Variants in ASB3 observed in about 807,000 individuals in gnomAD.
ASB3 encodes ankyrin repeat and SOCS box containing 3.
Under a neutral mutation model 54.5 loss-of-function variants are expected in ASB3, and 41 were observed. The ratio of observed to expected loss-of-function variants is 0.75; its 90% CI spans 0.59 to 0.98. ASB3 has a LOEUF of 0.98. Ranked by LOEUF, ASB3 falls within the 50% of genes least tolerant of loss-of-function variation. ASB3 has a pLI of 0.00. For synonymous variants in ASB3, 266 were observed against 221.2 expected, an observed-to-expected ratio of 1.20 and a Z score of -1.80; for missense variants, 733 against 620.0, an observed-to-expected ratio of 1.18 and a Z score of -1.94.
intron 3 of ASB3, among the ~76,000 whole-genome samples, chr2:53,732,937 T>C (rs1194129116): frequency 1.3e-5 from 2 of 152,202 alleles, no homozygotes; most frequent in Non-Finnish European, 2.9e-5. Context: ...AGGAGACCCA[T>C]AACTGTGCTG....
intron 2 of ASB3, among the ~76,000 whole-genome samples, chr2:53,761,633 G>A (rs1673153666): frequency 6.6e-6 from 1 of 152,062 alleles, no homozygotes; most frequent in Admixed American, 6.5e-5. Flanking sequence ...TCAGACTTAG[G>A]GTGAGTTACA....
chr2:53,750,008 C>G (rs1373106504), intron 3 of ASB3, among the ~76,000 whole-genome samples: 2 of 151,942 alleles, frequency 1.3e-5, no homozygotes, highest in African/African-American at 4.8e-5. Context: ...ATTCTCAGAC[C>G]AATAACAAAG....
At chr2:53,713,457 T>C (rs1164836761) in intron 7 of ASB3, among the ~76,000 whole-genome samples, 2 of 152,220 alleles carry the variant, frequency 1.3e-5, no homozygotes, top group Non-Finnish European at 2.9e-5. Context: ...GCTTTATTCT[T>C]AGTGTTTTAA....
chr2:53,672,721 GAC>G (rs1355254140), intron 9 of ASB3, among the ~76,000 whole-genome samples: 5 of 152,142 alleles, frequency 3.3e-5, no homozygotes, highest in South Asian at 2.1e-4. Context: ...TATAAATAAG[GAC>G]ACAGTTTCAC....
At chr2:53,739,337 T>C (rs138381805) in intron 3 of ASB3, among the ~76,000 whole-genome samples, 132 of 152,268 alleles carry the variant, frequency 8.7e-4, no homozygotes, top group African/African-American at 2.7e-3. Context: ...CATGTGAAGA[T>C]TTCATGAAAG....
intron 3 of ASB3, 57 bp from the exon 4 acceptor site, chr2:53,729,627 G>C: frequency 2.7e-6 from 4 of 1,468,216 alleles, no homozygotes; most frequent in Non-Finnish European, 3.8e-6. Context: ...TTGTAGGACT[G>C]GACACTTTGG....
intron 2 of ASB3, among the ~76,000 whole-genome samples, chr2:53,754,576 C>A (rs1035562071): frequency 6.6e-6 from 1 of 152,100 alleles, no homozygotes; most frequent in Non-Finnish European, 1.5e-5. Context: ...AGGAAGATAA[C>A]ATTTGAAGTT....
At chr2:53,749,649 C>T (rs1239506894) in intron 3 of ASB3, among the ~76,000 whole-genome samples, 1 of 152,022 alleles carries the variant, frequency 6.6e-6, no homozygotes, top group Non-Finnish European at 1.5e-5. Flanking sequence ...ATTATTGATA[C>T]ATGCAACAAT....
At chr2:53,671,262 T>C (rs1354387626) in intron 9 of ASB3, among the ~76,000 whole-genome samples, 2 of 152,196 alleles carry the variant, frequency 1.3e-5, no homozygotes, top group East Asian at 3.9e-4. Context: ...TATCAGGCTG[T>C]TGTAGAAATT....
chr2:53,720,789 C>T (rs72793668), intron 5 of ASB3, among the ~76,000 whole-genome samples: 205 of 152,238 alleles, frequency 1.3e-3, no homozygotes, highest in Non-Finnish European at 2.5e-3. Context: ...ATATTCTTCT[C>T]AACAGCACAT....
intron 7 of ASB3, among the ~76,000 whole-genome samples, chr2:53,703,684 G>T (rs1157006513): frequency 2.6e-5 from 4 of 152,084 alleles, no homozygotes; most frequent in African/African-American, 9.7e-5. Flanking sequence ...TATAAAAGTA[G>T]ATAAAAGTTT....
At chr2:53,678,049 T>A (rs111445088) in intron 9 of ASB3, among the ~76,000 whole-genome samples, 253 of 152,328 alleles carry the variant, frequency 1.7e-3, no homozygotes, top group Middle Eastern at 0.01. Context: ...TGATGTTTTG[T>A]ATGCTTATGT....
At position 53,746,472 on chromosome 2, in the gene ASB3, TG is replaced by T. The variant is rs371477022; in HGVS notation, c.355+4310del. Among the ~76,000 whole-genome samples, 1,087 of 149,772 alleles carry T rather than the reference TG, an allele frequency of 7.3e-3. 16 individuals carry two copies. Among genetic ancestry groups the T allele is most frequent in the African/African-American group, 0.026 (1,041 of 40,396 alleles). On this transcript the variant is annotated intron_variant, in intron 3 of 9. Coordinates refer to ENST00000263634, the MANE Select transcript of ASB3 (RefSeq NM_016115.5). The stretch of plus-strand genomic sequence containing the variant: ...GCCCATTCTTCCACACACTGTTTTT[TG>T]GGGGGTTTTTTCTTTTTTTTTTTTT...
chr2:53,691,476 C>T (rs966634948), intron 9 of ASB3, among the ~76,000 whole-genome samples: 3 of 151,956 alleles, frequency 2.0e-5, no homozygotes, highest in African/African-American at 7.3e-5. Flanking sequence ...GATAAGGCAG[C>T]GGTTGTTAAC....
In ASB3 at chr2:53,747,312, G is replaced by A. The variant is rs1221682375; in HGVS notation, c.355+3471C>T. ...TGTAATCCCAGCACTTAGAGAGGCT[G>A]AGGCAGGCAGATCGCCTGAGGTCAG... is the stretch of plus-strand genomic sequence containing the variant. On this transcript the variant is annotated intron_variant, in intron 3 of 9. Transcript: ENST00000263634. Among the ~76,000 whole-genome samples, 3 of 152,202 alleles carry A rather than the reference G, an allele frequency of 2.0e-5. No homozygotes were observed. In the South Asian group the frequency reaches 6.2e-4, roughly 32 times the overall value.
intron 7 of ASB3, among the ~76,000 whole-genome samples, chr2:53,702,807 T>C (rs541243087): frequency 6.6e-6 from 1 of 152,310 alleles, no homozygotes; most frequent in East Asian, 1.9e-4. Flanking sequence ...AAACAAAATT[T>C]ACTTTAAACA....
In ASB3 at chr2:53,772,297, C is replaced by G. The variant is rs369406760; in HGVS notation, c.-13-6712G>C. ...TCACGCCATTCTCCTGCCTCAGCCT[C>G]CCAAGTAGCTGGGACTACAGGCGCC... is the stretch of plus-strand genomic sequence containing the variant. On this transcript the variant is annotated intron_variant, in intron 1 of 9. Transcript: ENST00000263634. 7.9e-5 allele frequency among the ~76,000 whole-genome samples: 12 copies of G among 152,200 alleles called. No homozygotes were observed. In the East Asian group the frequency reaches 1.4e-3, roughly 17 times the overall value.
chr2:53,682,951 C>G (rs1391480129), intron 9 of ASB3, among the ~76,000 whole-genome samples: 1 of 152,176 alleles, frequency 6.6e-6, no homozygotes, highest in African/African-American at 2.4e-5. Flanking sequence ...TCCATTCCAA[C>G]TTGGATGCCC....
intron 9 of ASB3, among the ~76,000 whole-genome samples, chr2:53,680,283 C>T (rs1241073558): frequency 6.6e-6 from 1 of 152,144 alleles, no homozygotes; most frequent in Non-Finnish European, 1.5e-5. Flanking sequence ...CTGGATCGAA[C>T]AGTATGTCTG....
Sources: gnomAD v4.1 joint callset for allele counts (sites outside exome capture counted in the v4.1 genomes callset) on GRCh38, gnomAD v4.1.1 for gene constraint, MANE v1.5 for transcripts, NCBI Gene and HGNC (gene_info 2026-07-23, HGNC 2026-07-21) for gene names.